The following FAM81A variants were observed in gnomAD, a reference collection of about 807,000 sequenced individuals.
The protein encoded by FAM81A is protein FAM81A.
A neutral mutation model predicts 46.7 loss-of-function variants in FAM81A; 19 were observed. The observed-to-expected ratio is 0.41, with a 90% confidence interval of 0.28 to 0.60. The LOEUF is 0.60. FAM81A is among the 20% of genes least tolerant of loss of function. The probability of loss-of-function intolerance (pLI) is 0.34; values close to 1 mark genes in which losing one functional copy is unlikely to be tolerated. For synonymous variants in FAM81A, 183 were observed against 152.9 expected (o/e 1.20, Z -1.45); for missense variants, 377 against 453.5 (o/e 0.83, Z 1.53).
intron 4 of FAM81A, among the ~76,000 whole-genome samples, chr15:59,502,485 CTGTG>C (rs71119478): frequency 0.084 from 11,542 of 138,200 alleles, 572 homozygotes; most frequent in Middle Eastern, 0.15. Context: ...GTTGACTTCA[CTGTG>C]TGTGTGTGTG....
chr15:59,430,184 G>C (rs1444924809), intron 2 of FAM81A, among the ~76,000 whole-genome samples: 1 of 151,928 alleles, frequency 6.6e-6, no homozygotes, highest in African/African-American at 2.4e-5. Context: ...ACCAGCAGGG[G>C]GATGGGGAGG....
chr15:59,461,554 C>G (rs765819316), intron 3 of FAM81A, among the ~76,000 whole-genome samples: 24 of 152,142 alleles, frequency 1.6e-4, no homozygotes, highest in Admixed American at 8.5e-4. Flanking sequence ...CTCCTGGGCT[C>G]AAGCAATCTG....
intron 1 of FAM81A, among the ~76,000 whole-genome samples, chr15:59,442,143 A>G (rs1471565540): frequency 6.6e-6 from 1 of 152,156 alleles, no homozygotes; most frequent in Non-Finnish European, 1.5e-5. Context: ...CTGTTTACCC[A>G]GGGCCCCCAG....
chr15:59,496,778 C>T (rs1373414336), intron 4 of FAM81A, among the ~76,000 whole-genome samples: 2 of 152,022 alleles, frequency 1.3e-5, no homozygotes, highest in African/African-American at 4.8e-5. Context: ...CCAACTTCAT[C>T]CTTTTTTTTC....
At chr15:59,413,353 G>A (rs1330070995) in intron 2 of FAM81A, among the ~76,000 whole-genome samples, 1 of 151,332 alleles carries the variant, frequency 6.6e-6, no homozygotes, top group African/African-American at 2.4e-5. Flanking sequence ...GAACGTAACT[G>A]GCTGCCCAAG....
At chr15:59,439,125 TGCGTGTGTGC>T (rs1658611527) in intron 1 of FAM81A, 2 of 152,040 alleles carry the variant, frequency 1.3e-5, no homozygotes, top group Admixed American at 6.6e-5. Flanking sequence ...TGTGTGTGTG[TGCGTGTGTGC>T]GCGTGCGCTC....
intron 1 of FAM81A, among the ~76,000 whole-genome samples, chr15:59,439,624 T>TAAG (rs2081275984): frequency 6.6e-6 from 1 of 152,200 alleles, no homozygotes. Flanking sequence ...TTCATCTGTA[T>TAAG]AAGAACGTGG....
chr15:59,443,713 C>T (rs1312878168), intron 1 of FAM81A, among the ~76,000 whole-genome samples: 1 of 152,184 alleles, frequency 6.6e-6, no homozygotes, highest in Non-Finnish European at 1.5e-5. Flanking sequence ...CTCCCACATC[C>T]AGACAGTCAT....
intron 4 of FAM81A, among the ~76,000 whole-genome samples, chr15:59,497,317 C>T (rs2082044567): frequency 6.6e-6 from 1 of 150,380 alleles, no homozygotes; most frequent in South Asian, 2.1e-4. Flanking sequence ...GTGGTAGTGG[C>T]CACCTGTAAT....
intron 3 of FAM81A, among the ~76,000 whole-genome samples, chr15:59,470,347 A>G (rs1384878482): frequency 6.6e-6 from 1 of 152,158 alleles, no homozygotes; most frequent in African/African-American, 2.4e-5. Context: ...CAACAATCCA[A>G]TGTAGATTTG....
At chr15:59,447,417 A>G (rs1160341457) in intron 1 of FAM81A, among the ~76,000 whole-genome samples, 2 of 152,314 alleles carry the variant, frequency 1.3e-5, no homozygotes, top group East Asian at 3.9e-4. Flanking sequence ...AGCCCAGTAT[A>G]TTTCTTCCAA....
At chr15:59,519,560 T>C (rs573981486) in intron 8 of FAM81A, among the ~76,000 whole-genome samples, 1 of 149,354 alleles carries the variant, frequency 6.7e-6, no homozygotes, top group African/African-American at 2.5e-5. Context: ...CTTTCTTTCC[T>C]TTCCCTTCCC....
In FAM81A at chr15:59,400,014, C is replaced by A. The variant is rs191519126; in HGVS notation, c.-160-2262C>A. ...GTGGGGTAAATGGAGAGTCCCCGTCCGAGTCTCTCTTCTGCTCCTCCACAC... is the reference window on the plus strand; with the variant it reads ...GTGGGGTAAATGGAGAGTCCCCGTCAGAGTCTCTCTTCTGCTCCTCCACAC... On this transcript the variant is annotated intron_variant, in intron 1 of 4. Transcript: ENST00000558348. Among the ~76,000 whole-genome samples, 498 of 152,122 alleles carry A rather than the reference C, an allele frequency of 3.3e-3. 1 individual carries two copies. The highest frequency in any genetic ancestry group is 0.031 in the Middle Eastern group (9 of 294).
upstream of FAM81A, among the ~76,000 whole-genome samples, chr15:59,437,358 TC>T (rs2055900593): frequency 6.6e-6 from 1 of 150,558 alleles, no homozygotes; most frequent in Admixed American, 6.6e-5. Context: ...AAAGGTCGTG[TC>T]CCCCGCAACT....
chr15:59,487,374 C>G (rs1458737102), intron 3 of FAM81A, among the ~76,000 whole-genome samples: 2 of 125,666 alleles, frequency 1.6e-5, no homozygotes, highest in Admixed American at 1.5e-4. Context: ...AAAGCAAGAG[C>G]AAACCAAACC....
chr15:59,464,292 T>G (rs2081587030), intron 3 of FAM81A, among the ~76,000 whole-genome samples: 1 of 152,226 alleles, frequency 6.6e-6, no homozygotes, highest in African/African-American at 2.4e-5. Context: ...GGTGAAGATG[T>G]CTCTTCAATA....
chr15:59,514,165 C>A (rs2082242843), intron 6 of FAM81A, 124 bp from the exon 7 acceptor site: 1 of 1,021,570 alleles, frequency 9.8e-7, no homozygotes, highest in Non-Finnish European at 1.4e-6. Flanking sequence ...ATGCAGCAAA[C>A]CACCATGGCA....
chr15:59,520,261 G>T (rs1283413254), intron 8 of FAM81A, among the ~76,000 whole-genome samples: 1 of 152,094 alleles, frequency 6.6e-6, no homozygotes, highest in Non-Finnish European at 1.5e-5. Flanking sequence ...CACCAACAGT[G>T]TACAAGTGTT....
intron 1 of FAM81A, chr15:59,402,067 G>A: frequency 1.9e-6 from 1 of 529,012 alleles, no homozygotes; most frequent in Admixed American, 3.1e-5. Context: ...CAATTTTCGG[G>A]TCTTAGAGAC....
Sources: gnomAD v4.1 joint callset for allele counts (sites outside exome capture counted in the v4.1 genomes callset) on GRCh38, gnomAD v4.1.1 for gene constraint, MANE v1.5 for transcripts, NCBI Gene and HGNC (gene_info 2026-07-23, HGNC 2026-07-21) for gene names.